TRABD2B: variants seen among roughly 807,000 people sequenced by gnomAD.
TRABD2B encodes TraB domain containing 2B, also known as metalloprotease TIKI2.
A neutral mutation model predicts 40.1 loss-of-function variants in TRABD2B; 14 were observed. The observed-to-expected ratio is 0.35, with a 90% CI of 0.23 to 0.55. The LOEUF (loss-of-function observed/expected upper bound fraction) is 0.55, where lower values mean the gene tolerates loss of function less well. TRABD2B is among the 20% of genes least tolerant of loss of function. TRABD2B has a pLI of 0.90. For missense variants in TRABD2B, 541 were observed against 648.6 expected (o/e 0.83, Z 1.80); for synonymous variants, 263 against 277.0 (o/e 0.95, Z 0.50).
chr1:47,993,923 AG>A, intron 2 of TRABD2B, 110 bp downstream of exon 2: 1 of 1,117,466 alleles, frequency 8.9e-7, no homozygotes, highest in African/African-American at 1.6e-5. Flanking sequence ...TTCCAGAAAA[AG>A]GACCTGACTC....
At chr1:47,821,359 T>C (rs1052541197) in intron 2 of TRABD2B, among the ~76,000 whole-genome samples, 4 of 152,224 alleles carry the variant, frequency 2.6e-5, no homozygotes, top group African/African-American at 9.6e-5. Context: ...GTGTTCCATG[T>C]TCTCATCTGA....
chr1:47,975,219 A>C (rs934144521), intron 2 of TRABD2B, among the ~76,000 whole-genome samples: 4 of 152,218 alleles, frequency 2.6e-5, no homozygotes, highest in African/African-American at 9.7e-5. Flanking sequence ...ATAAGATGCT[A>C]ATAACAGGGG....
chr1:47,765,851 C>T lies in TRABD2B; in HGVS notation c.*51G>A. 2 of 702,834 alleles carry T rather than the reference C, an allele frequency of 2.8e-6. No individual in the cohort carries two copies. The highest frequency in any genetic ancestry group is 3.0e-5 in the South Asian group (2 of 67,574). The allele number at this position is 702,834 out of a possible 1,614,324, so 43.5% of individuals were successfully genotyped here. On this transcript the variant is annotated 3_prime_UTR_variant, in exon 7 of 7. Transcript: ENST00000606738. The stretch of plus-strand genomic sequence containing the variant: ...TGGTGGCAGGAGCAGTTGGGTGTGG[C>T]CGAAGACCCCTGTGTCATTTCTCTG...
intron 2 of TRABD2B, among the ~76,000 whole-genome samples, chr1:47,872,103 T>C (rs2124594076): frequency 6.6e-6 from 1 of 152,340 alleles, no homozygotes; most frequent in East Asian, 1.9e-4. Flanking sequence ...GTCGGTCTGA[T>C]GCACCTTGGG....
chr1:47,833,823 C>T (rs186536122), intron 2 of TRABD2B, among the ~76,000 whole-genome samples: 278 of 152,300 alleles, frequency 1.8e-3, no homozygotes, highest in Non-Finnish European at 3.0e-3. Flanking sequence ...TCTGAAAATT[C>T]TCCCCTTCAT....
intron 2 of TRABD2B, among the ~76,000 whole-genome samples, chr1:47,808,520 G>A (rs1047709464): frequency 6.6e-5 from 10 of 152,188 alleles, no homozygotes; most frequent in African/African-American, 2.4e-4. Flanking sequence ...CAGCGTGGCT[G>A]AAGCTGAGCC....
At chr1:47,968,672 C>G (rs1215267828) in intron 2 of TRABD2B, among the ~76,000 whole-genome samples, 2 of 152,248 alleles carry the variant, frequency 1.3e-5, no homozygotes, top group Non-Finnish European at 2.9e-5. Context: ...GCTGCTCTAA[C>G]TACATCAAAC....
At chr1:47,902,624 G>A (rs577567733) in intron 2 of TRABD2B, among the ~76,000 whole-genome samples, 8 of 152,292 alleles carry the variant, frequency 5.3e-5, no homozygotes, top group Middle Eastern at 3.4e-3. Context: ...ATCCTCCTCA[G>A]TAGCTAGGAC....
intron 2 of TRABD2B, among the ~76,000 whole-genome samples, chr1:47,863,922 G>A (rs1394357596): frequency 1.3e-5 from 2 of 152,082 alleles, no homozygotes; most frequent in Non-Finnish European, 1.5e-5. Context: ...GCACTAAAAC[G>A]AAATTGGCCA....
chr1:47,913,771 A>T (rs1411956877), intron 2 of TRABD2B, among the ~76,000 whole-genome samples: 2 of 152,204 alleles, frequency 1.3e-5, no homozygotes, highest in Non-Finnish European at 2.9e-5. Context: ...AAACATCAGG[A>T]AAAGTACAAT....
chr1:47,940,217 C>T (rs1645167755), intron 2 of TRABD2B, among the ~76,000 whole-genome samples: 1 of 152,188 alleles, frequency 6.6e-6, no homozygotes, highest in Admixed American at 6.5e-5. Context: ...GCTGAACCTC[C>T]CCTGGCTCCC....
intron 4 of TRABD2B, among the ~76,000 whole-genome samples, chr1:47,785,170 G>T (rs1403145658): frequency 6.6e-6 from 1 of 152,218 alleles, no homozygotes; most frequent in Non-Finnish European, 1.5e-5. Context: ...AATAGTGAGG[G>T]TTGGAACACG....
rs998255231 is a variant in TRABD2B at position 47,811,292 on chromosome 1, C to A, written c.667-9673G>T. The stretch of plus-strand genomic sequence containing the variant: ...CCCCCATCGCCCACCCAGTGCCCAG[C>A]CACAACCCAAGAAGCATGGACTTGG... On this transcript the variant is annotated intron_variant, in intron 2 of 6. Transcript: ENST00000606738. 4.6e-5 allele frequency among the ~76,000 whole-genome samples: 7 copies of A among 152,128 alleles called. No homozygotes were observed. In the East Asian group the frequency reaches 1.2e-3, roughly 25 times the overall value.
intron 2 of TRABD2B, among the ~76,000 whole-genome samples, chr1:47,977,745 G>A (rs955977225): frequency 6.6e-6 from 1 of 151,908 alleles, no homozygotes; most frequent in African/African-American, 2.4e-5. Flanking sequence ...GGAGACATTG[G>A]AGGAGAGAGG....
chr1:47,838,736 C>T (rs1320494884), intron 2 of TRABD2B, among the ~76,000 whole-genome samples: 1 of 152,174 alleles, frequency 6.6e-6, no homozygotes. Flanking sequence ...ACATGGCTGA[C>T]AGATATGATG....
chr1:47,985,086 C>T (rs1473129538), intron 2 of TRABD2B, among the ~76,000 whole-genome samples: 1 of 152,234 alleles, frequency 6.6e-6, no homozygotes, highest in African/African-American at 2.4e-5. Flanking sequence ...TTAATCCTCA[C>T]AGCAATCCTA....
chr1:47,765,973 G>A lies in TRABD2B; in HGVS notation c.1483C>T (p.Leu495=). Reference sequence around the variant, plus strand: ...GTGGCGATGGCGGGGAGAAGGCCCAGGGTGGGTGCCGAGCTGCTGGCGGGC... The same window carrying A: ...GTGGCGATGGCGGGGAGAAGGCCCAAGGTGGGTGCCGAGCTGCTGGCGGGC... ...PGPASSSAPT[L]GLLPAIATTI... The change falls in exon 7 of 7, where the codon CTG becomes TTG. Residue 495 remains leucine, a synonymous_variant. Transcript: ENST00000606738. 1 of 702,692 alleles carries A rather than the reference G, an allele frequency of 1.4e-6. No homozygotes were observed. The highest frequency in any genetic ancestry group is 2.3e-4 in the Middle Eastern group (1 of 4,368). 43.5% of individuals were successfully genotyped at this position (702,692 alleles called of 1,614,324 possible).
intron 2 of TRABD2B, among the ~76,000 whole-genome samples, chr1:47,836,253 A>C (rs189530614): frequency 6.6e-6 from 1 of 152,288 alleles, no homozygotes; most frequent in East Asian, 1.9e-4. Context: ...TTATCTTTCA[A>C]ATGGGGATAA....
chr1:47,982,927 A>G (rs1645861199), intron 2 of TRABD2B, among the ~76,000 whole-genome samples: 1 of 152,132 alleles, frequency 6.6e-6, no homozygotes, highest in South Asian at 2.1e-4. Context: ...TACCTCCAAG[A>G]CCACCAGCAG....
Sources: allele counts gnomAD v4.1 joint callset (sites outside exome capture counted in the v4.1 genomes callset), GRCh38; gene constraint gnomAD v4.1.1; transcripts MANE v1.5; gene names NCBI Gene and HGNC (gene_info 2026-07-23, HGNC 2026-07-21).